Variants in AVEN observed in about 807,000 individuals in gnomAD.
AVEN encodes the protein apoptosis and caspase activation inhibitor, also known as cell death regulator Aven.
A neutral mutation model predicts 38.1 loss-of-function variants in AVEN; 41 were observed. The ratio of observed to expected loss-of-function variants is 1.08; its 90% CI spans 0.84 to 1.40. AVEN has a LOEUF of 1.40. Ranked by LOEUF, AVEN falls within the 40% of genes most tolerant of loss-of-function variation. AVEN has a pLI of 0.00. For missense variants in AVEN, 605 were observed against 438.8 expected, an observed-to-expected ratio of 1.38 and a Z score of -3.38; for synonymous variants, 206 against 171.8, an observed-to-expected ratio of 1.20 and a Z score of -1.56.
chr15:34,049,240 G>A (rs1899839847), intron 5 of AVEN, among the ~76,000 whole-genome samples: 2 of 152,122 alleles, frequency 1.3e-5, no homozygotes, highest in South Asian at 2.1e-4. Flanking sequence ...TCTGAAAGTG[G>A]GTAATAACAA....
At chr15:33,867,061 A>G (rs1271291700) in intron 5 of AVEN, among the ~76,000 whole-genome samples, 2 of 152,202 alleles carry the variant, frequency 1.3e-5, no homozygotes, top group Admixed American at 6.5e-5. Context: ...CCTCTACATC[A>G]GATGGGCCAC....
At chr15:33,854,282 T>C, downstream of AVEN, 2 of 795,898 alleles carry the variant, frequency 2.5e-6, no homozygotes. Flanking sequence ...CTGAGAGCCA[T>C]ATTTAGGTTA....
chr15:34,040,522 ATACT>A (rs1899426735), upstream of AVEN, among the ~76,000 whole-genome samples: 1 of 152,246 alleles, frequency 6.6e-6, no homozygotes, highest in Non-Finnish European at 1.5e-5. Context: ...ACTATTCTAC[ATACT>A]TCTCATATCA....
chr15:33,978,006 A>AAGGG (rs139136537), intron 2 of AVEN, among the ~76,000 whole-genome samples: 9 of 137,174 alleles, frequency 6.6e-5, no homozygotes, highest in Non-Finnish European at 1.1e-4. Context: ...GGAAGAGAGG[A>AAGGG]AGGGAGGGAG....
intron 2 of AVEN, among the ~76,000 whole-genome samples, chr15:33,942,545 G>C (rs891603096): frequency 2.6e-5 from 4 of 151,920 alleles, no homozygotes; most frequent in African/African-American, 9.7e-5. Flanking sequence ...CCGCCCCCCG[G>C]ATTCACGCCA....
intron 2 of AVEN, among the ~76,000 whole-genome samples, chr15:34,002,790 A>C (rs1897185687): frequency 6.6e-6 from 1 of 152,204 alleles, no homozygotes; most frequent in African/African-American, 2.4e-5. Flanking sequence ...CCACTTATAG[A>C]AAGCCTTTTA....
At chr15:33,968,326 C>T (rs138563244) in intron 2 of AVEN, among the ~76,000 whole-genome samples, 14 of 152,190 alleles carry the variant, frequency 9.2e-5, no homozygotes, top group African/African-American at 3.1e-4. Context: ...CAATGACAAG[C>T]TGTTCAAACA....
rs562779186 is a variant in AVEN, at chr15:34,029,092, C to A, written c.267+9688G>T. Among the ~76,000 whole-genome samples, 108 of 152,178 alleles carry A rather than the reference C, an allele frequency of 7.1e-4. No individual in the cohort carries two copies. In the South Asian group the frequency reaches 9.8e-3, roughly 14 times the overall value. On this transcript the variant is annotated intron_variant, in intron 1 of 5. Transcript: ENST00000306730. The stretch of plus-strand genomic sequence containing the variant: ...CCCCTCTGCAGACGTTCATGCTACC[C>A]ACCAGAGTAGACATTCATTCTCAGG...
intron 2 of AVEN, among the ~76,000 whole-genome samples, chr15:33,936,614 C>T (rs1314915801): frequency 6.6e-6 from 1 of 152,050 alleles, no homozygotes; most frequent in Non-Finnish European, 1.5e-5. Flanking sequence ...CATTTGGGGA[C>T]TTTTGTCTTG....
At chr15:34,055,749 C>T (rs1900120009) in intron 5 of AVEN, among the ~76,000 whole-genome samples, 1 of 150,140 alleles carries the variant, frequency 6.7e-6, no homozygotes, top group South Asian at 2.1e-4. Context: ...TGCAGTGAGC[C>T]GAGATCACAC....
intron 5 of AVEN, among the ~76,000 whole-genome samples, chr15:34,052,833 A>G (rs565467337): frequency 6.6e-6 from 1 of 152,186 alleles, no homozygotes; most frequent in Non-Finnish European, 1.5e-5. Flanking sequence ...CCAATGCTCA[A>G]TGAAATCAGA....
At chr15:33,996,396 C>T (rs1896935135) in intron 2 of AVEN, among the ~76,000 whole-genome samples, 1 of 152,222 alleles carries the variant, frequency 6.6e-6, no homozygotes, top group Non-Finnish European at 1.5e-5. Context: ...TCCCTGAACC[C>T]CATGTAGCCT....
downstream of AVEN, among the ~76,000 whole-genome samples, chr15:33,857,462 C>G (rs1245317127): frequency 6.6e-6 from 1 of 152,116 alleles, no homozygotes; most frequent in Admixed American, 6.5e-5. Flanking sequence ...AAGGCTGTAT[C>G]TCCATCTCCA....
intron 2 of AVEN, among the ~76,000 whole-genome samples, chr15:33,896,028 G>A (rs1356195695): frequency 2.0e-5 from 3 of 152,040 alleles, no homozygotes; most frequent in African/African-American, 7.2e-5. Flanking sequence ...AATAATTAAC[G>A]CCACACGAAA....
At chr15:33,868,044 G>A (rs1890762835) in intron 4 of AVEN, among the ~76,000 whole-genome samples, 189 bp from the exon 5 acceptor site, 2 of 152,140 alleles carry the variant, frequency 1.3e-5, no homozygotes, top group African/African-American at 4.8e-5. Flanking sequence ...GTAAATGTGG[G>A]AGACCTCACT....
chr15:33,923,372 T>A (rs966337453), intron 2 of AVEN, among the ~76,000 whole-genome samples: 1 of 152,244 alleles, frequency 6.6e-6, no homozygotes, highest in South Asian at 2.1e-4. Flanking sequence ...TGAAGAGTAG[T>A]AAGTTAATTC....
intron 1 of AVEN, among the ~76,000 whole-genome samples, chr15:34,004,922 G>A (rs988656143): frequency 1.3e-5 from 2 of 151,854 alleles, no homozygotes; most frequent in African/African-American, 4.8e-5. Context: ...AAAAAAATGA[G>A]TAAAATTATT....
At chr15:33,872,200 G>T (rs1890996685) in intron 3 of AVEN, among the ~76,000 whole-genome samples, 1 of 152,164 alleles carries the variant, frequency 6.6e-6, no homozygotes, top group Non-Finnish European at 1.5e-5. Context: ...AAGCCTTTCT[G>T]TCCCACTTCT....
chr15:33,935,102 A>G (rs1036873160), intron 2 of AVEN, among the ~76,000 whole-genome samples: 1 of 152,170 alleles, frequency 6.6e-6, no homozygotes, highest in African/African-American at 2.4e-5. Flanking sequence ...CATGGGACTG[A>G]TGTGTAGACA....
Sources: gnomAD v4.1 joint callset for allele counts (sites outside exome capture counted in the v4.1 genomes callset) on GRCh38, gnomAD v4.1.1 for gene constraint, MANE v1.5 for transcripts, NCBI Gene and HGNC (gene_info 2026-07-23, HGNC 2026-07-21) for gene names.